The following AK8 variants were observed in gnomAD, a reference collection of about 807,000 sequenced individuals.
The protein encoded by AK8 is adenylate kinase 8.
AK8 carries 44 observed loss-of-function variants against 54.6 expected under a neutral mutation model. The ratio of observed to expected loss-of-function variants is 0.81; its 90% CI spans 0.63 to 1.04. The LOEUF (loss-of-function observed/expected upper bound fraction) is 1.04. Among genes scored for constraint, AK8 ranks in the 50% least tolerant of loss-of-function variants. AK8 has a pLI of 0.00. For synonymous variants in AK8, 239 were observed against 245.6 expected (o/e 0.97, Z 0.25); for missense variants, 555 against 613.6 (o/e 0.90, Z 1.01).
At chr9:132,864,159 CT>C (rs927573869) in intron 3 of AK8, among the ~76,000 whole-genome samples, 15 of 150,010 alleles carry the variant, frequency 1.0e-4, no homozygotes, top group Admixed American at 2.0e-4. Flanking sequence ...ACTCAGTGTT[CT>C]TTTTTTTTTC....
intron 11 of AK8, among the ~76,000 whole-genome samples, chr9:132,766,435 A>G (rs1838728349): frequency 6.6e-6 from 1 of 152,180 alleles, no homozygotes; most frequent in East Asian, 1.9e-4. Context: ...AATTTAACCA[A>G]GGAAGTAAAA....
chr9:132,730,597 C>T (rs2149712), intron 11 of AK8, among the ~76,000 whole-genome samples: 113,093 of 151,906 alleles, frequency 0.74, 42,941 homozygotes, highest in East Asian at 0.85. Context: ...GATGCCTATG[C>T]CCCTTGCCCA....
chr9:132,810,298 C>T (rs375618192), intron 10 of AK8, among the ~76,000 whole-genome samples: 62 of 152,122 alleles, frequency 4.1e-4, no homozygotes, highest in African/African-American at 1.3e-3. Flanking sequence ...CATTGAAGAT[C>T]GAAGTGATCC....
intron 10 of AK8, among the ~76,000 whole-genome samples, chr9:132,813,614 G>A (rs1234371467): frequency 6.6e-6 from 1 of 152,242 alleles, no homozygotes; most frequent in Non-Finnish European, 1.5e-5. Context: ...TGCGTGAGTG[G>A]GAAATTCACT....
At position 132,766,931 on chromosome 9, in the gene AK8, C is replaced by T. The variant is rs941190635; in HGVS notation, c.1121+25703G>A. On this transcript the variant is annotated intron_variant, in intron 11 of 12. Transcript: ENST00000298545. ...TGGGAAAACTGGATATATCTGCATG[C>T]AGAAAAATGAAACTAGATCTCTATC... is the stretch of plus-strand genomic sequence containing the variant. Among the ~76,000 whole-genome samples the T allele has an allele frequency of 2.0e-5, 3 of 152,230 alleles. No individual in the cohort carries two copies. The East Asian group carries it at 5.8e-4, about 29-fold the overall frequency.
At chr9:132,764,403 G>C (rs1050182262) in intron 11 of AK8, among the ~76,000 whole-genome samples, 6 of 152,000 alleles carry the variant, frequency 3.9e-5, no homozygotes, top group Admixed American at 3.3e-4. Flanking sequence ...AATTAAGTCA[G>C]TTTTTAACAA....
chr9:132,776,462 T>G (rs1479219276), intron 11 of AK8, among the ~76,000 whole-genome samples: 1 of 152,200 alleles, frequency 6.6e-6, no homozygotes, highest in African/African-American at 2.4e-5. Context: ...AGTGTGCTGA[T>G]GCTGAGTGCA....
rs753402282 is a variant in AK8 at position 132,819,728 on chromosome 9, G to GAA, written c.889+3476_889+3477insTT. ...CAATGCAGAATACCTATTTTTTTAA[G>GAA]TACACTTGGAATTCACCAGTATAGA... On this transcript the variant is annotated intron_variant, in intron 9 of 12. Transcript: ENST00000298545. 1.4e-3 allele frequency among the ~76,000 whole-genome samples: 218 copies of GAA among 152,056 alleles called. 1 individual carries two copies. Among genetic ancestry groups the GAA allele is most frequent in the South Asian group, 2.5e-3 (12 of 4,812 alleles).
At chr9:132,850,837 C>T (rs1273349822) in intron 5 of AK8, among the ~76,000 whole-genome samples, 1 of 151,534 alleles carries the variant, frequency 6.6e-6, no homozygotes, top group Admixed American at 6.6e-5. Flanking sequence ...CCCAGCCTGG[C>T]CCTAATACAT....
chr9:132,725,617 T>A lies in AK8; in HGVS notation c.*71A>T. ...CTTTATTGGCTTTTTAGGGGAGCTG[T>A]GCCGAGGCTGGGGGGCTGGGGGCAG... On this transcript the variant is annotated 3_prime_UTR_variant, in exon 13 of 13. Coordinates refer to ENST00000298545, the MANE Select transcript of AK8 (RefSeq NM_152572.3). The A allele has an allele frequency of 7.3e-7, 1 of 1,373,890 alleles. No homozygotes were observed. Among genetic ancestry groups the A allele is most frequent in the Non-Finnish European group, 1.0e-6 (1 of 998,498 alleles). The allele number at this position is 1,373,890 out of a possible 1,614,324, so 85.1% of individuals were successfully genotyped here.
chr9:132,778,929 T>TGACAAAATAGTCAAAA (rs572801065), intron 11 of AK8, among the ~76,000 whole-genome samples: 1,705 of 152,290 alleles, frequency 0.011, 17 homozygotes, highest in Middle Eastern at 0.044. Context: ...AGGGCAATTT[T>TGACAAAATAGTCAAAA]GTCTTTGACT....
In AK8 at chr9:132,758,723, T is replaced by C. The variant is rs548685469; in HGVS notation, c.1122-31189A>G. ...ATCCGCCTGCCTCAGCTTCCCAAAG[T>C]GTGGGGATTACAGGCATGAGCCACC... On this transcript the variant is annotated intron_variant, in intron 11 of 12. Coordinates refer to ENST00000298545, the MANE Select transcript of AK8 (RefSeq NM_152572.3). Among the ~76,000 whole-genome samples the C allele has an allele frequency of 2.6e-5, 4 of 152,084 alleles. No homozygotes were observed. The South Asian group carries it at 8.3e-4, about 32-fold the overall frequency.
chr9:132,844,903 A>G (rs1842688657), intron 5 of AK8, among the ~76,000 whole-genome samples: 1 of 152,232 alleles, frequency 6.6e-6, no homozygotes, highest in African/African-American at 2.4e-5. Flanking sequence ...AAACAAGAAC[A>G]GTGGCCAATA....
At chr9:132,745,454 G>T (rs902320866) in intron 11 of AK8, among the ~76,000 whole-genome samples, 9 of 152,110 alleles carry the variant, frequency 5.9e-5, no homozygotes, top group Admixed American at 5.2e-4. Flanking sequence ...TGGAGAAGGC[G>T]GGCCAAACTT....
intron 11 of AK8, among the ~76,000 whole-genome samples, chr9:132,732,560 G>A (rs1836894853): frequency 6.6e-6 from 1 of 152,124 alleles, no homozygotes; most frequent in Admixed American, 6.5e-5. Flanking sequence ...CCGGGTCTAT[G>A]AGAAGCCACC....
chr9:132,734,025 C>G (rs1003251043), intron 11 of AK8, among the ~76,000 whole-genome samples: 1 of 152,148 alleles, frequency 6.6e-6, no homozygotes, highest in Non-Finnish European at 1.5e-5. Flanking sequence ...AGCTTATTAA[C>G]GACACAGATC....
intron 11 of AK8, among the ~76,000 whole-genome samples, chr9:132,757,476 T>A: frequency 6.6e-6 from 1 of 152,342 alleles, no homozygotes; most frequent in Middle Eastern, 3.4e-3. Context: ...GTTAATCCCA[T>A]CCTGTATGGG....
chr9:132,727,826 TAGACCGAGCTTGGC>T (rs1007971225), intron 11 of AK8, among the ~76,000 whole-genome samples: 9 of 152,140 alleles, frequency 5.9e-5, no homozygotes, highest in African/African-American at 2.2e-4. Context: ...ACCATCCCTG[TAGACCGAGCTTGGC>T]AGAATTATTC....
intron 5 of AK8, among the ~76,000 whole-genome samples, chr9:132,840,344 T>C (rs1387903048): frequency 6.6e-6 from 1 of 151,252 alleles, no homozygotes; most frequent in Non-Finnish European, 1.5e-5. Flanking sequence ...ACGCTCGCGT[T>C]TGGCAACATT....
Sources: allele counts gnomAD v4.1 joint callset (sites outside exome capture counted in the v4.1 genomes callset), GRCh38; gene constraint gnomAD v4.1.1; transcripts MANE v1.5; gene names NCBI Gene and HGNC (gene_info 2026-07-23, HGNC 2026-07-21).